Variants in RARB observed in about 807,000 individuals in gnomAD.
The protein encoded by RARB is HBV-activated protein.
In RARB, 17 loss-of-function variants were observed where a neutral mutation model predicts 51.9. The observed-to-expected ratio is 0.33, with a 90% CI of 0.22 to 0.49. The LOEUF (loss-of-function observed/expected upper bound fraction) is 0.49, where lower values mean the gene tolerates loss of function less well. Among genes scored for constraint, RARB ranks in the 20% least tolerant of loss-of-function variants. RARB has a pLI of 0.99. For missense variants in RARB, 369 were observed against 550.8 expected (o/e 0.67, Z 3.30); for synonymous variants, 215 against 195.4 (o/e 1.10, Z -0.84).
intron 4 of RARB, among the ~76,000 whole-genome samples, chr3:25,161,532 C>T (rs756197016): frequency 1.1e-4 from 17 of 152,048 alleles, no homozygotes; most frequent in South Asian, 8.3e-4. Context: ...TGTAAATTAA[C>T]GATACTTCTG....
intron 5 of RARB, among the ~76,000 whole-genome samples, chr3:25,264,205 T>C (rs1703073803): frequency 1.3e-5 from 2 of 152,160 alleles, no homozygotes; most frequent in Non-Finnish European, 2.9e-5. Flanking sequence ...AAGCTCTTGC[T>C]AAACTGTAAC....
chr3:24,910,341 A>G (rs548150018), intron 2 of RARB, among the ~76,000 whole-genome samples: 43 of 152,328 alleles, frequency 2.8e-4, no homozygotes, highest in Admixed American at 1.3e-3. Context: ...AGTCCCGCTA[A>G]TACTAATGTC....
At chr3:25,028,852 T>C (rs1420290561) in intron 2 of RARB, among the ~76,000 whole-genome samples, 1 of 152,214 alleles carries the variant, frequency 6.6e-6, no homozygotes, top group Non-Finnish European at 1.5e-5. Flanking sequence ...AGTTGGCTTT[T>C]ACTTGTCCCG....
chr3:24,900,449 A>G (rs143546686), intron 2 of RARB, among the ~76,000 whole-genome samples: 34 of 152,304 alleles, frequency 2.2e-4, no homozygotes, highest in African/African-American at 8.2e-4. Flanking sequence ...CTTTGCATTC[A>G]TGAGTCTTCC....
intron 2 of RARB, among the ~76,000 whole-genome samples, chr3:25,468,898 G>T (rs1265816124): frequency 6.6e-6 from 1 of 152,090 alleles, no homozygotes; most frequent in African/African-American, 2.4e-5. Flanking sequence ...CCAACCTTTG[G>T]GGGCCACAAT....
intron 1 of RARB, among the ~76,000 whole-genome samples, chr3:25,443,828 G>A (rs1397817530): frequency 6.6e-6 from 1 of 151,854 alleles, no homozygotes; most frequent in Non-Finnish European, 1.5e-5. Context: ...CTACTCGGGA[G>A]GCTGAGACAG....
At chr3:25,315,065 C>T (rs946904545) in intron 5 of RARB, among the ~76,000 whole-genome samples, 4 of 152,262 alleles carry the variant, frequency 2.6e-5, no homozygotes, top group African/African-American at 4.8e-5. Context: ...TGTAGTATTC[C>T]GTGGTGTGTA....
intron 4 of RARB, among the ~76,000 whole-genome samples, chr3:25,162,670 G>A (rs914177267): frequency 2.0e-5 from 3 of 152,120 alleles, no homozygotes; most frequent in Admixed American, 1.3e-4. Context: ...AAATGGAATC[G>A]TATAATATGT....
chr3:25,466,699 G>T (rs970165431), intron 2 of RARB, among the ~76,000 whole-genome samples: 1 of 152,156 alleles, frequency 6.6e-6, no homozygotes, highest in South Asian at 2.1e-4. Flanking sequence ...CTAGTACAGA[G>T]GTTGCCAAAT....
intron 4 of RARB, among the ~76,000 whole-genome samples, chr3:25,163,886 A>G (rs187848200): frequency 3.4e-4 from 52 of 152,306 alleles, no homozygotes; most frequent in African/African-American, 1.2e-3. Context: ...ATGGAATAGG[A>G]GAAGACCTGA....
intron 2 of RARB, among the ~76,000 whole-genome samples, chr3:24,882,433 G>A (rs1703185012): frequency 6.6e-6 from 1 of 152,166 alleles, no homozygotes; most frequent in Non-Finnish European, 1.5e-5. Context: ...TGAAGTATAT[G>A]GAAGGGTAGG....
chr3:25,569,944 G>A (rs201595452), intron 4 of RARB, 26 bp downstream of exon 4: 2 of 1,606,190 alleles, frequency 1.2e-6, no homozygotes, highest in Admixed American at 3.4e-5. Flanking sequence ...GCCCCAGGCT[G>A]CTGGGAGTGT....
At position 24,914,239 on chromosome 3, in the gene RARB, C is replaced by G. The variant is rs1050869883; in HGVS notation, c.-380+55487C>G. On this transcript the variant is annotated intron_variant, in intron 2 of 11. Transcript: ENST00000383772. ...CCCTAGTGGTACAGCAACACATGCT[C>G]AAATCTCTTGATGAGTAACATTTTC... Among the ~76,000 whole-genome samples, 24 of 152,296 alleles carry G rather than the reference C, an allele frequency of 1.6e-4. No individual in the cohort carries two copies. In the South Asian group the frequency reaches 2.3e-3, roughly 14 times the overall value.
chr3:24,950,853 AC>A (rs1317014623), intron 2 of RARB, among the ~76,000 whole-genome samples: 5 of 152,206 alleles, frequency 3.3e-5, no homozygotes, highest in Admixed American at 2.6e-4. Context: ...CTGGGCCAGC[AC>A]CATCAACGTG....
intron 4 of RARB, among the ~76,000 whole-genome samples, chr3:25,162,560 A>G (rs554150532): frequency 5.2e-4 from 79 of 152,254 alleles, no homozygotes; most frequent in African/African-American, 1.8e-3. Flanking sequence ...GGAACTCCAC[A>G]CTCATTAGCA....
At chr3:24,945,116 T>C (rs960087158) in intron 2 of RARB, among the ~76,000 whole-genome samples, 5 of 152,256 alleles carry the variant, frequency 3.3e-5, no homozygotes, top group South Asian at 2.1e-4. Flanking sequence ...GTTGAAGTTA[T>C]GTGGTAAATT....
Position 25,306,556 on chromosome 3 carries a change from C to T in RARB, c.178+131981C>T, listed in dbSNP as rs183975385. ...AAGAAGAAAGGAGGAAAGAAAGAAA[C>T]CCTGTTACGTGAGGAAAATTGCATT... On this transcript the variant is annotated intron_variant, in intron 5 of 11. Coordinates refer to the RARB transcript ENST00000383772. Among the ~76,000 whole-genome samples the T allele has an allele frequency of 3.4e-3, 522 of 151,350 alleles. 8 individuals are homozygous for T. Among genetic ancestry groups the T allele is most frequent in the Non-Finnish European group, 4.4e-4 (30 of 67,840 alleles).
At chr3:25,065,064 C>A (rs537654179) in intron 3 of RARB, among the ~76,000 whole-genome samples, 6 of 152,018 alleles carry the variant, frequency 3.9e-5, no homozygotes, top group Admixed American at 1.3e-4. Flanking sequence ...ACCTGGTACA[C>A]CTCGGGATTT....
At chr3:25,205,366 C>A (rs868029417) in intron 5 of RARB, among the ~76,000 whole-genome samples, 5 of 152,186 alleles carry the variant, frequency 3.3e-5, no homozygotes, top group African/African-American at 1.2e-4. Flanking sequence ...TGACCCCTTG[C>A]ACTTCCCGGG....
Sources: gnomAD v4.1 joint callset for allele counts (sites outside exome capture counted in the v4.1 genomes callset) on GRCh38, gnomAD v4.1.1 for gene constraint, MANE v1.5 for transcripts, NCBI Gene and HGNC (gene_info 2026-07-23, HGNC 2026-07-21) for gene names.